ZC3H7A: variants seen among roughly 807,000 people sequenced by gnomAD.
The protein encoded by ZC3H7A is zinc finger CCCH-type containing 7A.
ZC3H7A carries 44 observed loss-of-function variants against 125.5 expected under a neutral mutation model. The ratio of observed to expected loss-of-function variants is 0.35; its 90% CI spans 0.28 to 0.45. ZC3H7A has a LOEUF of 0.45. Ranked by LOEUF, ZC3H7A falls within the 20% of genes least tolerant of loss-of-function variation. ZC3H7A has a pLI of 1.00. For missense variants in ZC3H7A, 977 were observed against 1,170.7 expected, an observed-to-expected ratio of 0.83 and a Z score of 2.41; for synonymous variants, 399 against 391.2, an observed-to-expected ratio of 1.02 and a Z score of -0.23.
intron 1 of ZC3H7A, among the ~76,000 whole-genome samples, chr16:11,784,854 CAAAAAAAAAAAA>C (rs536349199): frequency 3.3e-5 from 2 of 59,988 alleles, no homozygotes; most frequent in African/African-American, 6.3e-5. Flanking sequence ...CACTCCATCT[CAAAAAAAAAAAA>C]AAAAAAAATT....
chr16:11,785,316 G>C (rs2053239886), intron 1 of ZC3H7A, among the ~76,000 whole-genome samples: 1 of 151,778 alleles, frequency 6.6e-6, no homozygotes, highest in South Asian at 2.1e-4. Context: ...TCCAGCCTGG[G>C]TGACAGAGTG....
intron 1 of ZC3H7A, among the ~76,000 whole-genome samples, chr16:11,786,729 C>G (rs1334759309): frequency 6.6e-6 from 1 of 152,028 alleles, no homozygotes; most frequent in East Asian, 1.9e-4. Flanking sequence ...TTTTAAGTTT[C>G]CCCAAAAACT....
intron 9 of ZC3H7A, 133 bp from the exon 10 acceptor site, chr16:11,771,120 A>G (rs771524765): frequency 4.5e-6 from 4 of 894,788 alleles, no homozygotes; most frequent in Non-Finnish European, 6.6e-6. Context: ...TAGGCCAGGC[A>G]TGGTGGCCTG....
At chr16:11,771,942 C>T (rs980910416) in intron 9 of ZC3H7A, among the ~76,000 whole-genome samples, 10 of 152,020 alleles carry the variant, frequency 6.6e-5, no homozygotes, top group African/African-American at 2.2e-4. Flanking sequence ...CACCTGTAAT[C>T]CTAGCACTGT....
At chr16:11,791,910 T>C (rs114644546) in intron 1 of ZC3H7A, among the ~76,000 whole-genome samples, 1,707 of 152,290 alleles carry the variant, frequency 0.011, 32 homozygotes, top group African/African-American at 0.039. Context: ...GAAGGCACTT[T>C]GTTTTTTTGT....
intron 19 of ZC3H7A, chr16:11,758,844 T>C (rs546072344): frequency 5.0e-4 from 143 of 284,540 alleles, no homozygotes; most frequent in Middle Eastern, 1.2e-3. Flanking sequence ...ACAATGAACA[T>C]CCCTGGCCCT....
intron 1 of ZC3H7A, among the ~76,000 whole-genome samples, chr16:11,790,887 G>A (rs539463084): frequency 4.6e-5 from 7 of 150,790 alleles, no homozygotes; most frequent in African/African-American, 1.7e-4. Context: ...AAAATAAATA[G>A]ATAAATAAAA....
rs151141279 is a variant in ZC3H7A, at chr16:11,776,458, T to C, written c.540A>G (p.Arg180=). ...GCAGAGAACTCCAGCTTACCTCAGCTCTGACATACGCTTTTCTTATTTTAA... is the reference window on the plus strand; with the variant it reads ...GCAGAGAACTCCAGCTTACCTCAGCCCTGACATACGCTTTTCTTATTTTAA... ...LGFKIRKAYV[R]AELSLKSVPG... Residue 180 remains arginine, a synonymous_variant, in exon 6 of 23, where the codon AGA becomes AGG. Coordinates refer to ENST00000355758, the MANE Select transcript of ZC3H7A (RefSeq NM_014153.4). 9.3e-6 allele frequency: 15 copies of C among 1,611,008 alleles called. No individual in the cohort carries two copies. The Admixed American group carries it at 1.7e-4, about 18-fold the overall frequency.
chr16:11,763,437 G>C (rs751210779), intron 16 of ZC3H7A, 41 bp downstream of exon 16: 1 of 1,549,512 alleles, frequency 6.5e-7, no homozygotes, highest in Non-Finnish European at 8.8e-7. Flanking sequence ...AACCCTGTCT[G>C]CTCTTGAGGA....
At chr16:11,775,161 A>C in intron 7 of ZC3H7A, 148 bp from the exon 8 acceptor site, 2 of 738,644 alleles carry the variant, frequency 2.7e-6, no homozygotes, top group Admixed American at 5.1e-5. Flanking sequence ...TCACGAGGTC[A>C]GGAGTTTGAG....
intron 1 of ZC3H7A, among the ~76,000 whole-genome samples, chr16:11,786,015 C>A (rs2053251857): frequency 1.3e-5 from 2 of 152,166 alleles, no homozygotes; most frequent in Admixed American, 6.6e-5. Flanking sequence ...GAGACTACAG[C>A]AGTAGTAGAA....
intron 3 of ZC3H7A, among the ~76,000 whole-genome samples, chr16:11,779,733 G>A (rs1444915310): frequency 6.6e-6 from 1 of 152,192 alleles, no homozygotes; most frequent in Admixed American, 6.5e-5. Flanking sequence ...AGGCCATGAT[G>A]AAAAATGTTT....
chr16:11,776,685 C>A, intron 5 of ZC3H7A, 66 bp downstream of exon 5: 1 of 1,539,664 alleles, frequency 6.5e-7, no homozygotes. Flanking sequence ...AAATTTAACT[C>A]TTTAAATGCC....
In ZC3H7A at chr16:11,756,279, A is replaced by G. The variant is rs766318435; in HGVS notation, c.2520T>C (p.Asn840=). 3.7e-6 allele frequency: 6 copies of G among 1,613,922 alleles called. No individual in the cohort carries two copies. The highest frequency in any genetic ancestry group is 2.2e-5 in the East Asian group (1 of 44,854). Residue 840 remains asparagine, a synonymous_variant, in exon 21 of 23, where the codon AAT becomes AAC. Coordinates refer to ENST00000355758, the MANE Select transcript of ZC3H7A (RefSeq NM_014153.4). The part of the protein sequence containing the change: ...EDIASQSNKE[N]GKQIHMPTDY... Reference sequence around the variant, plus strand: ...CTGTTGGCATGTGAATTTGTTTTCCATTTTCCTTGTTTGACTGACTGGCTA... The same window carrying G: ...CTGTTGGCATGTGAATTTGTTTTCCGTTTTCCTTGTTTGACTGACTGGCTA...
chr16:11,780,220 A>C (rs1405731646), intron 3 of ZC3H7A, among the ~76,000 whole-genome samples: 1 of 151,010 alleles, frequency 6.6e-6, no homozygotes, highest in Non-Finnish European at 1.5e-5. Context: ...TCCTGAGTTC[A>C]AGTGATTCTC....
intron 1 of ZC3H7A, among the ~76,000 whole-genome samples, chr16:11,783,342 C>G (rs1301808256): frequency 6.6e-6 from 1 of 152,142 alleles, no homozygotes; most frequent in Non-Finnish European, 1.5e-5. Context: ...TTGGGCCCCA[C>G]CTCCACTAAT....
At chr16:11,758,789 C>G (rs1260085479) in intron 19 of ZC3H7A, 1 of 405,680 alleles carries the variant, frequency 2.5e-6, no homozygotes, top group Non-Finnish European at 4.4e-6. Context: ...CATTTTCTTA[C>G]AAGAAAATGT....
Position 11,760,122 on chromosome 16 carries a change from G to GAAAAAAAAAAAAAAAA in ZC3H7A, c.2319+1268_2319+1283dup, listed in dbSNP as rs66812605. Among the ~76,000 whole-genome samples, 23 of 82,520 alleles carry GAAAAAAAAAAAAAAAA rather than the reference G, an allele frequency of 2.8e-4. 1 individual carries two copies. Among genetic ancestry groups the GAAAAAAAAAAAAAAAA allele is most frequent in the African/African-American group, 9.7e-4 (18 of 18,598 alleles). 54.1% of individuals were successfully genotyped at this position (82,520 alleles called of 152,430 possible). A position where few individuals can be genotyped will look rare whatever the true frequency, so the allele number is the denominator to read the frequency against. The stretch of plus-strand genomic sequence containing the variant: ...CCTGGGTGACAGAGCAAGAAAAAAT[G>GAAAAAAAAAAAAAAAA]AAAAAAAAAAAAAAAAAAAAAAAGA... On this transcript the variant is annotated intron_variant, in intron 19 of 22. Coordinates refer to ENST00000355758, the MANE Select transcript of ZC3H7A (RefSeq NM_014153.4).
chr16:11,777,481 G>A (rs2053100299), intron 4 of ZC3H7A, among the ~76,000 whole-genome samples: 3 of 152,220 alleles, frequency 2.0e-5, no homozygotes, highest in African/African-American at 4.8e-5. Context: ...AGCACTTTGG[G>A]AGGCCGAGGT....
Sources: gnomAD v4.1 joint callset for allele counts (sites outside exome capture counted in the v4.1 genomes callset) on GRCh38, gnomAD v4.1.1 for gene constraint, MANE v1.5 for transcripts, NCBI Gene and HGNC (gene_info 2026-07-23, HGNC 2026-07-21) for gene names.